Variants in STN1 observed in about 807,000 individuals in gnomAD.
STN1 encodes CST complex subunit STN1.
In STN1, 29 loss-of-function variants were observed where a neutral mutation model predicts 45.5. That is an observed-to-expected ratio of 0.64 (90% CI 0.47 to 0.87). The LOEUF is 0.87. STN1 is among the 40% of genes least tolerant of loss of function. The pLI is 0.00. For synonymous variants in STN1, 148 were observed against 159.0 expected (o/e 0.93, Z 0.52); for missense variants, 376 against 441.4 (o/e 0.85, Z 1.33).
chr10:103,887,459 G>GA (rs1272601596), intron 9 of STN1, among the ~76,000 whole-genome samples: 1 of 152,214 alleles, frequency 6.6e-6, no homozygotes, highest in African/African-American at 2.4e-5. Context: ...TGCTGGGAGG[G>GA]AGTCTGGCTT....
chr10:103,889,564 A>C (rs1843125261), intron 8 of STN1, among the ~76,000 whole-genome samples: 1 of 141,564 alleles, frequency 7.1e-6, no homozygotes, highest in South Asian at 2.3e-4. Context: ...TCCCAACCAC[A>C]AGGAAAAATA....
chr10:103,911,464 C>T (rs1032185854), intron 2 of STN1, among the ~76,000 whole-genome samples: 2 of 152,206 alleles, frequency 1.3e-5, no homozygotes, highest in African/African-American at 4.8e-5. Flanking sequence ...AATCTCTTTT[C>T]CAGCCTCTTC....
At chr10:103,914,365 TATATATATA>T (rs577885677) in intron 2 of STN1, among the ~76,000 whole-genome samples, 958 of 15,370 alleles carry the variant, frequency 0.062, 15 homozygotes, top group Admixed American at 0.17. Flanking sequence ...TATATATATA[TATATATATA>T]TTTTTTTTTT....
At chr10:103,889,695 CTTTTTTTTTTTTTTTT>C (rs58738841) in intron 8 of STN1, among the ~76,000 whole-genome samples, 66,878 of 126,766 alleles carry the variant, frequency 0.53, 16,161 homozygotes, top group Admixed American at 0.6. Flanking sequence ...TTTCTTTTTC[CTTTTTTTTTTTTTTTT>C]TTTTTTTTGA....
chr10:103,890,913 G>A (rs531262729), intron 8 of STN1, among the ~76,000 whole-genome samples: 1 of 152,278 alleles, frequency 6.6e-6, no homozygotes, highest in African/African-American at 2.4e-5. Flanking sequence ...CACACCCACT[G>A]ATGTCAGTGG....
chr10:103,907,827 TAA>T (rs35393286), intron 3 of STN1, among the ~76,000 whole-genome samples: 1 of 146,302 alleles, frequency 6.8e-6, no homozygotes, highest in African/African-American at 2.5e-5. Flanking sequence ...AATAGAAAGT[TAA>T]AAAAAAAAAA....
chr10:103,902,762 A>C (rs1234606036), intron 4 of STN1, among the ~76,000 whole-genome samples: 1 of 152,248 alleles, frequency 6.6e-6, no homozygotes. Context: ...CTTCCAATGG[A>C]AAGCTTTTAA....
rs541666260 is a variant in STN1, at chr10:103,889,099, T to G, written c.922A>C (p.Ile308Leu). 5.0e-6 allele frequency: 8 copies of G among 1,613,808 alleles called. No individual in the cohort carries two copies. The East Asian group carries it at 1.6e-4, about 31-fold the overall frequency. The change falls in exon 9 of 10, where the codon ATT becomes CTT. Residue 308 changes from isoleucine (I) to leucine (L), a missense_variant. Ile to Leu is a conservative substitution (Grantham distance 5). Coordinates refer to ENST00000224950, the MANE Select transcript of STN1 (RefSeq NM_024928.5). ...KDLHRKIHRI[I>L]QQDCQKPNHM... ...TTTGGTTTCTGGCAGTCCTGCTGAA[T>G]GATCCGGTGGATCTTTCTGTGCAGG...
rs1364635002 is a variant in STN1 at position 103,909,484 on chromosome 10, ATATG to A, written c.229+1039_229+1042del. On this transcript the variant is annotated intron_variant, in intron 3 of 9. Transcript: ENST00000224950. ...TGTATATATATGTATATATGTATAT[ATATG>A]TGTGTGTGTATATGTATATATGTAT... is the stretch of plus-strand genomic sequence containing the variant. 2.8e-5 allele frequency among the ~76,000 whole-genome samples: 2 copies of A among 70,670 alleles called. 1 individual carries two copies. The highest frequency in any genetic ancestry group is 8.2e-5 in the African/African-American group (2 of 24,504). The allele number at this position is 70,670 out of a possible 152,430, so 46.4% of individuals were successfully genotyped here.
At chr10:103,906,669 A>T (rs1843243605) in intron 3 of STN1, among the ~76,000 whole-genome samples, 1 of 152,058 alleles carries the variant, frequency 6.6e-6, no homozygotes, top group Admixed American at 6.5e-5. Flanking sequence ...TCAAAAAATA[A>T]AAAATAAATA....
intron 7 of STN1, among the ~76,000 whole-genome samples, chr10:103,892,711 T>C (rs928407024): frequency 6.6e-6 from 1 of 152,180 alleles, no homozygotes; most frequent in African/African-American, 2.4e-5. Flanking sequence ...AATAGCCTCA[T>C]TATTTTAAAT....
intron 9 of STN1, among the ~76,000 whole-genome samples, chr10:103,887,722 T>A (rs138202681): frequency 1.1e-3 from 175 of 152,254 alleles, no homozygotes; most frequent in African/African-American, 4.0e-3. Flanking sequence ...CCTGTCCACT[T>A]GATGAGCTGT....
At chr10:103,886,442 GT>G (rs1405050573) in intron 9 of STN1, among the ~76,000 whole-genome samples, 1 of 151,040 alleles carries the variant, frequency 6.6e-6, no homozygotes, top group Non-Finnish European at 1.5e-5. Flanking sequence ...AGAGTAAAAA[GT>G]TAGAGATAAA....
At position 103,905,163 on chromosome 10, in the gene STN1, G is replaced by A. The variant is rs1226126062; in HGVS notation, c.230-7C>T. On this transcript the variant is annotated splice_polypyrimidine_tract_variant and splice_region_variant and intron_variant, in intron 3 of 9. Transcript: ENST00000224950. Reference sequence around the variant, plus strand: ...ACTCCAGTGCTGTCATCCACTGCAAGAGAAAAGCAAAAGGGTATAAGAGAG... The same window carrying A: ...ACTCCAGTGCTGTCATCCACTGCAAAAGAAAAGCAAAAGGGTATAAGAGAG... The A allele has an allele frequency of 6.2e-7, 1 of 1,613,654 alleles. No homozygotes were observed. Among genetic ancestry groups the A allele is most frequent in the South Asian group, 1.1e-5 (1 of 91,052 alleles).
rs1843043193 is a variant in STN1, at chr10:103,878,215, A to C, written c.*4469T>G. 1 of 152,234 alleles carries C rather than the reference A, an allele frequency of 6.6e-6. No individual in the cohort carries two copies. Among genetic ancestry groups the C allele is most frequent in the African/African-American group, 2.4e-5 (1 of 41,466 alleles). The allele number at this position is 152,234 out of a possible 1,614,324, so 9.4% of individuals were successfully genotyped here. ...TTGTCTTCTTGCCTACACAAGCTAC[A>C]TGTGGGGTTCACACCTCCTGAAACA... On this transcript the variant is annotated 3_prime_UTR_variant, in exon 10 of 10. Coordinates refer to ENST00000224950, the MANE Select transcript of STN1 (RefSeq NM_024928.5).
In STN1 at chr10:103,910,698, GGGAA is replaced by G. The variant is rs140365091; in HGVS notation, c.134-80_134-77del. The G allele has an allele frequency of 3.9e-6, 3 of 766,100 alleles. No homozygotes were observed. The East Asian group carries it at 8.0e-5, about 20-fold the overall frequency. The allele number at this position is 766,100 out of a possible 1,614,324, so 47.5% of individuals were successfully genotyped here. A position where few individuals can be genotyped will look rare whatever the true frequency, so the allele number is the denominator to read the frequency against. ...CTTCAATAAATCTTAACTTGTAGGG[GGGAA>G]GGGAGTGTAAAAAAATCAATCCATG... On this transcript the variant is annotated intron_variant, in intron 2 of 9. Transcript: ENST00000224950.
intron 3 of STN1, among the ~76,000 whole-genome samples, chr10:103,907,450 G>A (rs962956165): frequency 6.6e-6 from 1 of 152,228 alleles, no homozygotes; most frequent in African/African-American, 2.4e-5. Flanking sequence ...CTCTTGGAGT[G>A]TGGGGAAGGA....
rs1040342504 is a variant in STN1 at position 103,879,955 on chromosome 10, C to T, written c.*2729G>A. On this transcript the variant is annotated 3_prime_UTR_variant, in exon 10 of 10. Coordinates refer to ENST00000224950, the MANE Select transcript of STN1 (RefSeq NM_024928.5). Reference sequence around the variant, plus strand: ...AAGGAGTGGCACAGGATTTTTTTCTCGGTCACTTTGCAAGCCAGGGACCTC... The same window carrying T: ...AAGGAGTGGCACAGGATTTTTTTCTTGGTCACTTTGCAAGCCAGGGACCTC... Among the ~76,000 whole-genome samples, 1 of 152,224 alleles carries T rather than the reference C, an allele frequency of 6.6e-6. No individual in the cohort carries two copies. Among genetic ancestry groups the T allele is most frequent in the Admixed American group, 6.5e-5 (1 of 15,290 alleles).
chr10:103,894,395 A>T (rs1233699815), intron 7 of STN1, among the ~76,000 whole-genome samples: 2 of 152,170 alleles, frequency 1.3e-5, no homozygotes, highest in Non-Finnish European at 2.9e-5. Context: ...GGAAGAGACA[A>T]TGCTAGGCCT....
Sources: allele counts gnomAD v4.1 joint callset (sites outside exome capture counted in the v4.1 genomes callset), GRCh38; gene constraint gnomAD v4.1.1; transcripts MANE v1.5; gene names NCBI Gene and HGNC (gene_info 2026-07-23, HGNC 2026-07-21).